Variants in CPXM2 observed in about 807,000 individuals in gnomAD.
The protein encoded by CPXM2 is inactive carboxypeptidase-like protein X2.
In CPXM2, 66 loss-of-function variants were observed where a neutral mutation model predicts 86.1. The observed-to-expected ratio is 0.77, with a 90% CI of 0.63 to 0.94. The LOEUF is 0.94. CPXM2 is among the 40% of genes least tolerant of loss of function. The pLI is 0.00. For missense variants in CPXM2, 948 were observed against 1,026.3 expected (o/e 0.92, Z 1.04); for synonymous variants, 388 against 400.2 (o/e 0.97, Z 0.36).
At chr10:123,794,928 C>T (rs960109052) in intron 6 of CPXM2, among the ~76,000 whole-genome samples, 1 of 152,086 alleles carries the variant, frequency 6.6e-6, no homozygotes, top group African/African-American at 2.4e-5. Flanking sequence ...CGCCACCATG[C>T]CTGGATAATT....
chr10:123,862,498 T>C (rs1380139472), intron 3 of CPXM2, 116 bp downstream of exon 3: 2 of 879,578 alleles, frequency 2.3e-6, no homozygotes, highest in East Asian at 2.6e-5. Context: ...TATCCTTTCT[T>C]ACTGTGAGCA....
intron 4 of CPXM2, among the ~76,000 whole-genome samples, chr10:123,831,831 T>A (rs1848171078): frequency 6.6e-6 from 1 of 151,764 alleles, no homozygotes; most frequent in South Asian, 2.1e-4. Context: ...TACCCTAAAG[T>A]CAAGCAATTA....
chr10:123,828,113 G>A (rs7916375), intron 4 of CPXM2, among the ~76,000 whole-genome samples: 38,110 of 151,876 alleles, frequency 0.25, 6,097 homozygotes, highest in African/African-American at 0.45. Context: ...TGAGGCTACA[G>A]TGAGTCATGA....
intron 3 of CPXM2, among the ~76,000 whole-genome samples, chr10:123,849,376 C>T (rs1331530519): frequency 6.6e-6 from 1 of 151,676 alleles, no homozygotes; most frequent in Non-Finnish European, 1.5e-5. Flanking sequence ...TGCTGCCTCT[C>T]CTCCTTCCCC....
intron 3 of CPXM2, among the ~76,000 whole-genome samples, chr10:123,852,838 G>A (rs1374760856): frequency 6.6e-6 from 1 of 152,146 alleles, no homozygotes; most frequent in Non-Finnish European, 1.5e-5. Flanking sequence ...CCTTCCCAGA[G>A]TCTGCCCCCA....
At chr10:123,787,359 C>T (rs533698944) in intron 6 of CPXM2, among the ~76,000 whole-genome samples, 3 of 152,218 alleles carry the variant, frequency 2.0e-5, no homozygotes, top group Admixed American at 1.3e-4. Context: ...TCCTGAGCCC[C>T]AAACCAAGTG....
At position 123,754,595 on chromosome 10, in the gene CPXM2, C is replaced by A; in HGVS notation, c.2017+68G>T. 2 of 848,278 alleles carry A rather than the reference C, an allele frequency of 2.4e-6. No homozygotes were observed. Among genetic ancestry groups the A allele is most frequent in the Non-Finnish European group, 4.1e-6 (2 of 489,756 alleles). The allele number at this position is 848,278 out of a possible 1,614,324, so 52.5% of individuals were successfully genotyped here. A position where few individuals can be genotyped will look rare whatever the true frequency, so the allele number is the denominator to read the frequency against. ...TCTGGCAGTCATTTCATGATTGTAA[C>A]CCAAGTAAAATGCCTAAAAAAATGG... On this transcript the variant is annotated intron_variant, in intron 13 of 13. Transcript: ENST00000241305. The surrounding 1 kb of genome is among the most constrained non-coding windows in gnomAD (Gnocchi z 4.0).
chr10:123,804,966 C>T (rs1164396872), intron 4 of CPXM2, among the ~76,000 whole-genome samples: 1 of 152,066 alleles, frequency 6.6e-6, no homozygotes, highest in African/African-American at 2.4e-5. Context: ...AGTTTTCATA[C>T]TCATTATCTC....
At chr10:123,808,208 A>G (rs1847620036) in intron 4 of CPXM2, among the ~76,000 whole-genome samples, 1 of 152,212 alleles carries the variant, frequency 6.6e-6, no homozygotes, top group Admixed American at 6.5e-5. Context: ...AATTAAAAAC[A>G]AAGAATACCT....
intron 6 of CPXM2, among the ~76,000 whole-genome samples, chr10:123,793,466 A>G (rs1265713863): frequency 3.2e-5 from 3 of 95,008 alleles, no homozygotes; most frequent in African/African-American, 1.8e-4. Flanking sequence ...CCGTCTCAAA[A>G]AAAAAAAAAA....
intron 4 of CPXM2, among the ~76,000 whole-genome samples, chr10:123,815,674 T>C (rs1847799462): frequency 6.6e-6 from 1 of 152,162 alleles, no homozygotes; most frequent in African/African-American, 2.4e-5. Context: ...GGCAAGGTGA[T>C]GTTGATTCTC....
intron 4 of CPXM2, among the ~76,000 whole-genome samples, chr10:123,819,777 A>G (rs781130863): frequency 3.9e-5 from 6 of 152,178 alleles, no homozygotes; most frequent in Non-Finnish European, 7.3e-5. Flanking sequence ...TATGGGTTCA[A>G]ATTGACAAGA....
chr10:123,843,355 T>A, intron 3 of CPXM2: 6 of 435,646 alleles, frequency 1.4e-5, no homozygotes, highest in South Asian at 1.0e-4. Flanking sequence ...ACTCCTCGCC[T>A]CCCAAAAAGG....
intron 4 of CPXM2, among the ~76,000 whole-genome samples, chr10:123,801,976 T>C (rs1479643525): frequency 1.3e-5 from 2 of 152,230 alleles, no homozygotes; most frequent in African/African-American, 4.8e-5. Flanking sequence ...TGTAATTTCA[T>C]ACTCCTTTCT....
chr10:123,747,626 C>T (rs1033546768), intron 13 of CPXM2, among the ~76,000 whole-genome samples: 1 of 152,140 alleles, frequency 6.6e-6, no homozygotes, highest in Non-Finnish European at 1.5e-5. Context: ...GAGACCCATG[C>T]TGGAGCTGAG....
intron 4 of CPXM2, among the ~76,000 whole-genome samples, chr10:123,821,720 G>T (rs1184793432): frequency 6.6e-6 from 1 of 152,160 alleles, no homozygotes; most frequent in Non-Finnish European, 1.5e-5. Flanking sequence ...GCTACAACTG[G>T]GGACATCTAG....
intron 12 of CPXM2, among the ~76,000 whole-genome samples, chr10:123,755,486 A>G (rs1006456540): frequency 6.6e-6 from 1 of 152,246 alleles, no homozygotes; most frequent in African/African-American, 2.4e-5. Context: ...AAAGTCTTCC[A>G]TTAGAATGTC....
intron 2 of CPXM2, among the ~76,000 whole-genome samples, chr10:123,872,314 G>T (rs1237684731): frequency 6.6e-6 from 1 of 152,140 alleles, no homozygotes; most frequent in Non-Finnish European, 1.5e-5. Flanking sequence ...ATAACCTGCA[G>T]TATAGTCATG....
chr10:123,835,546 G>A (rs1220603728), intron 4 of CPXM2, among the ~76,000 whole-genome samples: 2 of 152,074 alleles, frequency 1.3e-5, no homozygotes, highest in East Asian at 1.9e-4. Flanking sequence ...TAAACACTAT[G>A]GTTCAGAAAC....
Sources: gnomAD v4.1 joint callset for allele counts (sites outside exome capture counted in the v4.1 genomes callset) on GRCh38, gnomAD v4.1.1 for gene constraint, Gnocchi (gnomAD v3.1) non-coding constraint, MANE v1.5 for transcripts, NCBI Gene and HGNC (gene_info 2026-07-23, HGNC 2026-07-21) for gene names.